The following ADGRL3 variants were observed in gnomAD, a reference collection of about 807,000 sequenced individuals.
The protein encoded by ADGRL3 is adhesion G protein-coupled receptor L3.
Under a neutral mutation model 153.5 loss-of-function variants are expected in ADGRL3, and 62 were observed. That is an observed-to-expected ratio of 0.40 (90% confidence interval 0.33 to 0.50). The LOEUF is 0.50. ADGRL3 is among the 20% of genes least tolerant of loss of function. The pLI, the probability that ADGRL3 is intolerant of heterozygous loss-of-function variation, is 0.47. For missense variants in ADGRL3, 1,641 were observed against 1,859.4 expected, an observed-to-expected ratio of 0.88 and a Z score of 2.16; for synonymous variants, 710 against 672.5, an observed-to-expected ratio of 1.06 and a Z score of -0.86.
intron 13 of ADGRL3, among the ~76,000 whole-genome samples, chr4:61,918,114 G>T (rs1267977229): frequency 4.6e-5 from 7 of 152,162 alleles, no homozygotes; most frequent in African/African-American, 1.7e-4. Flanking sequence ...ATTAGTGCGG[G>T]ATACTGAGGT....
chr4:61,741,231 G>A (rs4642280), intron 8 of ADGRL3, among the ~76,000 whole-genome samples: 13,223 of 152,194 alleles, frequency 0.087, 1,222 homozygotes, highest in African/African-American at 0.23. Context: ...GTCAGAAAAT[G>A]GAGCCTAAAA....
At chr4:61,735,336 A>G (rs2096494444) in intron 8 of ADGRL3, among the ~76,000 whole-genome samples, 1 of 152,242 alleles carries the variant, frequency 6.6e-6, no homozygotes, top group South Asian at 2.1e-4. Flanking sequence ...CAATGCTGAT[A>G]TTACGTTGAA....
intron 5 of ADGRL3, among the ~76,000 whole-genome samples, chr4:61,597,977 C>G: frequency 6.6e-6 from 1 of 152,084 alleles, no homozygotes; most frequent in East Asian, 1.9e-4. Context: ...ATACTGCTCT[C>G]TCACAAATTT....
Position 61,948,234 on chromosome 4 carries a change from C to A in ADGRL3, c.2763C>A (p.His921Gln), listed in dbSNP as rs768845959. 1.2e-6 allele frequency: 2 copies of A among 1,613,762 alleles called. No individual in the cohort carries two copies. The highest frequency in any genetic ancestry group is 2.2e-5 in the South Asian group (2 of 91,068). ...CACATACTACATGCTCTTGTAACCA[C>A]CTAACAAATTTTGCAGTACTGATGG... ...NKTHTTCSCN[H>Q]LTNFAVLMAH... The change falls in exon 17 of 27, where the codon CAC (histidine) becomes CAA (glutamine). Residue 921 changes from histidine (H) to glutamine (Q), a missense_variant. Around this residue, in one of 5 missense-constraint regions of ADGRL3, gnomAD observed 734 missense variants for 797.0 expected, o/e 0.92. Transcript: ENST00000683033.
chr4:61,981,100 A>G (rs1048491861), intron 18 of ADGRL3, among the ~76,000 whole-genome samples: 9 of 152,228 alleles, frequency 5.9e-5, no homozygotes, highest in Non-Finnish European at 1.3e-4. Context: ...CCCATTAACA[A>G]TAAAGGAGAT....
intron 1 of ADGRL3, among the ~76,000 whole-genome samples, chr4:61,331,363 T>C (rs1357960752): frequency 2.6e-5 from 4 of 152,136 alleles, no homozygotes. Context: ...ACCAACAATA[T>C]TGGGATGTCA....
At chr4:61,993,914 G>T (rs916118537) in intron 19 of ADGRL3, among the ~76,000 whole-genome samples, 1 of 152,178 alleles carries the variant, frequency 6.6e-6, no homozygotes, top group Admixed American at 6.5e-5. Context: ...CACAACAAAA[G>T]GGTAACTAAT....
At chr4:61,315,261 G>C (rs2150614594) in intron 1 of ADGRL3, among the ~76,000 whole-genome samples, 1 of 152,286 alleles carries the variant, frequency 6.6e-6, no homozygotes, top group East Asian at 1.9e-4. Context: ...CAGCTGCCCT[G>C]TCCATAGGTC....
chr4:61,451,135 C>G (rs1193027510), intron 2 of ADGRL3, among the ~76,000 whole-genome samples: 2 of 151,856 alleles, frequency 1.3e-5, no homozygotes, highest in African/African-American at 2.4e-5. Flanking sequence ...AAATAGATAA[C>G]AAAGAAATTG....
chr4:61,980,468 C>T (rs1030508264), intron 18 of ADGRL3, among the ~76,000 whole-genome samples: 1 of 151,582 alleles, frequency 6.6e-6, no homozygotes, highest in Non-Finnish European at 1.5e-5. Flanking sequence ...GAGAAAAGGT[C>T]TCACTCTGTC....
intron 1 of ADGRL3, among the ~76,000 whole-genome samples, chr4:61,296,863 A>G (rs1241878450): frequency 6.6e-6 from 1 of 152,192 alleles, no homozygotes; most frequent in Non-Finnish European, 1.5e-5. Context: ...TAATATTTCC[A>G]TTCTTTGACT....
At chr4:61,375,474 A>AACCC (rs2096592459) in intron 1 of ADGRL3, among the ~76,000 whole-genome samples, 1 of 152,158 alleles carries the variant, frequency 6.6e-6, no homozygotes, top group African/African-American at 2.4e-5. Context: ...TAAGTATCAT[A>AACCC]TGAATCATCA....
At chr4:61,273,988 A>G (rs1431023779) in intron 1 of ADGRL3, among the ~76,000 whole-genome samples, 1 of 152,188 alleles carries the variant, frequency 6.6e-6, no homozygotes, top group Non-Finnish European at 1.5e-5. Context: ...TGTCTTTGGC[A>G]ATCCCATTTA....
intron 19 of ADGRL3, among the ~76,000 whole-genome samples, chr4:61,986,693 G>A (rs2099086562): frequency 1.3e-5 from 2 of 152,216 alleles, no homozygotes; most frequent in African/African-American, 4.8e-5. Flanking sequence ...ATGGAAGAGA[G>A]ATAGGAAAAG....
chr4:61,747,605 A>C (rs1227862389), intron 8 of ADGRL3, among the ~76,000 whole-genome samples: 2 of 146,200 alleles, frequency 1.4e-5, no homozygotes, highest in Non-Finnish European at 1.5e-5. Context: ...AAAGACAAAA[A>C]CCACATGATT....
chr4:61,439,482 A>G (rs566334124), intron 2 of ADGRL3, among the ~76,000 whole-genome samples: 6 of 152,326 alleles, frequency 3.9e-5, no homozygotes, highest in African/African-American at 1.2e-4. Context: ...ACGAAATATA[A>G]TAATGGGTGC....
chr4:61,628,575 G>A (rs1430123782), intron 5 of ADGRL3, among the ~76,000 whole-genome samples: 2 of 152,282 alleles, frequency 1.3e-5, no homozygotes, highest in South Asian at 4.1e-4. Flanking sequence ...AAGGGTATGA[G>A]TCTAAATCAC....
At chr4:61,431,851 A>T (rs1282252180) in intron 2 of ADGRL3, among the ~76,000 whole-genome samples, 1 of 152,000 alleles carries the variant, frequency 6.6e-6, no homozygotes, top group Non-Finnish European at 1.5e-5. Context: ...TTCCTCTCTA[A>T]GTAACCTTAG....
At chr4:61,534,988 G>T (rs1013704532) in intron 4 of ADGRL3, among the ~76,000 whole-genome samples, 1 of 152,076 alleles carries the variant, frequency 6.6e-6, no homozygotes, top group Non-Finnish European at 1.5e-5. Flanking sequence ...TAGGAGTGCT[G>T]AGAAGTGGAC....
Sources: allele counts gnomAD v4.1 joint callset (sites outside exome capture counted in the v4.1 genomes callset), GRCh38; gene constraint gnomAD v4.1.1; regional missense constraint gnomAD v4.1.1; transcripts MANE v1.5; gene names NCBI Gene and HGNC (gene_info 2026-07-23, HGNC 2026-07-21).